Variants in SLC8A1 observed in about 807,000 individuals in gnomAD.
SLC8A1 encodes solute carrier family 8 member A1, also known as sodium/calcium exchanger 1.
SLC8A1 carries 18 observed loss-of-function variants against 68.3 expected under a neutral mutation model. The observed-to-expected ratio is 0.26, with a 90% CI of 0.18 to 0.39. The LOEUF is 0.39. Among genes scored for constraint, SLC8A1 ranks in the 10% least tolerant of loss-of-function variants. The probability of loss-of-function intolerance (pLI) is 1.00; values close to 1 mark genes in which losing one functional copy is unlikely to be tolerated. For synonymous variants in SLC8A1, 475 were observed against 415.5 expected (o/e 1.14, Z -1.74); for missense variants, 985 against 1,156.7 (o/e 0.85, Z 2.15).
intron 1 of SLC8A1, among the ~76,000 whole-genome samples, chr2:40,457,604 T>A (rs1703098097): frequency 6.6e-6 from 1 of 152,218 alleles, no homozygotes; most frequent in Non-Finnish European, 1.5e-5. Context: ...AACTGTATGC[T>A]CTCGTCTCTT....
chr2:40,211,042 G>A (rs181053192), intron 2 of SLC8A1, among the ~76,000 whole-genome samples: 1 of 152,298 alleles, frequency 6.6e-6, no homozygotes, highest in African/African-American at 2.4e-5. Context: ...TCTGAAGTAG[G>A]TCTTTGTCTT....
At chr2:40,279,325 G>A (rs1214129157) in intron 2 of SLC8A1, among the ~76,000 whole-genome samples, 1 of 152,160 alleles carries the variant, frequency 6.6e-6, no homozygotes, top group Admixed American at 6.5e-5. Context: ...GGACAATTTA[G>A]CAATAATCTA....
upstream of SLC8A1, among the ~76,000 whole-genome samples, chr2:40,452,402 C>T (rs1382970434): frequency 6.6e-6 from 1 of 152,144 alleles, no homozygotes; most frequent in South Asian, 2.1e-4. Context: ...CGATTTCCTG[C>T]CGGCTCTCGG....
At chr2:40,236,311 T>C (rs1481810852) in intron 2 of SLC8A1, among the ~76,000 whole-genome samples, 2 of 152,054 alleles carry the variant, frequency 1.3e-5, no homozygotes, top group African/African-American at 4.8e-5. Context: ...ATATTTAGGA[T>C]AGTTAGCTCT....
At chr2:40,417,132 T>C (rs1384740276) in intron 2 of SLC8A1, among the ~76,000 whole-genome samples, 1 of 152,210 alleles carries the variant, frequency 6.6e-6, no homozygotes, top group East Asian at 1.9e-4. Flanking sequence ...GTGATTGTCT[T>C]CAGTATGACC....
chr2:40,264,205 T>A (rs1214391334), intron 2 of SLC8A1, among the ~76,000 whole-genome samples: 10 of 150,658 alleles, frequency 6.6e-5, no homozygotes, highest in African/African-American at 2.4e-4. Context: ...AAACAACAGG[T>A]GCTGGAGAGG....
chr2:40,334,404 C>T (rs893490954), intron 2 of SLC8A1, among the ~76,000 whole-genome samples: 2 of 152,046 alleles, frequency 1.3e-5, no homozygotes, highest in Non-Finnish European at 2.9e-5. Flanking sequence ...AGTTTAAGGC[C>T]ATATATCTGG....
chr2:40,245,196 G>A (rs2061700561), intron 2 of SLC8A1, among the ~76,000 whole-genome samples: 1 of 152,166 alleles, frequency 6.6e-6, no homozygotes, highest in South Asian at 2.1e-4. Flanking sequence ...GTGGCACATA[G>A]GAGAAACTTG....
intron 1 of SLC8A1, among the ~76,000 whole-genome samples, chr2:40,492,664 C>T (rs1705398837): frequency 6.7e-6 from 1 of 148,440 alleles, no homozygotes; most frequent in Non-Finnish European, 1.5e-5. Flanking sequence ...AACAAACAAC[C>T]CAATCAAAAA....
intron 1 of SLC8A1, among the ~76,000 whole-genome samples, chr2:40,468,278 G>A (rs746884523): frequency 1.3e-5 from 2 of 152,004 alleles, no homozygotes; most frequent in South Asian, 2.1e-4. Flanking sequence ...AAGCATTTAC[G>A]TATTTAAAAA....
At chr2:40,177,665 A>G in intron 3 of SLC8A1, 2 of 801,652 alleles carry the variant, frequency 2.5e-6, no homozygotes, top group South Asian at 1.5e-5. Flanking sequence ...AAGCCGAGGA[A>G]GAGGAGAGAG....
intron 2 of SLC8A1, among the ~76,000 whole-genome samples, chr2:40,323,776 G>T (rs1363396407): frequency 2.0e-5 from 3 of 152,018 alleles, no homozygotes; most frequent in Non-Finnish European, 2.9e-5. Flanking sequence ...CTGAGATTTA[G>T]AAATATTTTT....
At chr2:40,266,918 G>A (rs1574922847) in intron 2 of SLC8A1, among the ~76,000 whole-genome samples, 1 of 152,154 alleles carries the variant, frequency 6.6e-6, no homozygotes, top group South Asian at 2.1e-4. Flanking sequence ...GACTGAGGAT[G>A]AAACATCTTG....
Position 40,212,824 on chromosome 2 carries a change from TG to T in SLC8A1, c.1809-34970del, listed in dbSNP as rs2056847572. On this transcript the variant is annotated intron_variant, in intron 2 of 7. Transcript: ENST00000406785. ...AGAGTTCCTGTTTGTGCAACAGTGC[TG>T]CCTTCTGCTATCAGCCACATGTAGA... is the stretch of plus-strand genomic sequence containing the variant. Among the ~76,000 whole-genome samples the T allele has an allele frequency of 2.0e-5, 3 of 152,252 alleles. 1 individual carries two copies. Among genetic ancestry groups the T allele is most frequent in the Admixed American group, 1.3e-4 (2 of 15,288 alleles).
At chr2:40,402,084 G>C (rs759800708) in intron 2 of SLC8A1, among the ~76,000 whole-genome samples, 1 of 152,142 alleles carries the variant, frequency 6.6e-6, no homozygotes, top group South Asian at 2.1e-4. Context: ...GTCACAGGAC[G>C]CGATACAGGT....
chr2:40,161,006 CT>C, intron 5 of SLC8A1, 142 bp from the exon 9 acceptor site: 1 of 618,860 alleles, frequency 1.6e-6, no homozygotes. Context: ...ACATCAAACA[CT>C]GTTATGATTA....
In SLC8A1 at chr2:40,418,080, T is replaced by C. The variant is rs567360911; in HGVS notation, c.1808+10393A>G. ...CAATAGCTATAGAAGTCATGAAATA[T>C]TGAGAAAGATGTTCCTTCCCTAAAA... On this transcript the variant is annotated intron_variant, in intron 2 of 7. Transcript: ENST00000406785. Among the ~76,000 whole-genome samples the C allele has an allele frequency of 2.0e-5, 3 of 152,330 alleles. No individual in the cohort carries two copies. The South Asian group carries it at 6.2e-4, about 32-fold the overall frequency.
chr2:40,408,860 T>A (rs936885574), intron 2 of SLC8A1, among the ~76,000 whole-genome samples: 3 of 152,054 alleles, frequency 2.0e-5, no homozygotes, highest in Non-Finnish European at 4.4e-5. Context: ...AACTTAAGTA[T>A]TGAATCCAAA....
At chr2:40,383,375 C>T (rs538092010) in intron 2 of SLC8A1, among the ~76,000 whole-genome samples, 3 of 152,160 alleles carry the variant, frequency 2.0e-5, no homozygotes, top group African/African-American at 7.2e-5. Flanking sequence ...TTATCCTTCG[C>T]CATGTTTATA....
Sources: allele counts gnomAD v4.1 joint callset (sites outside exome capture counted in the v4.1 genomes callset), GRCh38; gene constraint gnomAD v4.1.1; transcripts MANE v1.5; gene names NCBI Gene and HGNC (gene_info 2026-07-23, HGNC 2026-07-21).